Variants in LIMD1 observed in about 807,000 individuals in gnomAD.
The protein encoded by LIMD1 is LIM domain containing 1.
In LIMD1, 23 loss-of-function variants were observed where a neutral mutation model predicts 58.4. The ratio of observed to expected loss-of-function variants is 0.39; its 90% CI spans 0.28 to 0.56. LIMD1 has a LOEUF of 0.56. Among genes scored for constraint, LIMD1 ranks in the 20% least tolerant of loss-of-function variants. LIMD1 has a pLI of 0.57. For synonymous variants in LIMD1, 334 were observed against 345.5 expected, an observed-to-expected ratio of 0.97 and a Z score of 0.37; for missense variants, 838 against 855.5, an observed-to-expected ratio of 0.98 and a Z score of 0.25.
intron 2 of LIMD1, among the ~76,000 whole-genome samples, chr3:45,655,918 G>C (rs895553519): frequency 2.6e-5 from 4 of 152,190 alleles, no homozygotes; most frequent in Admixed American, 2.0e-4. Context: ...TTCCCTGGAA[G>C]GACTGAACGT....
At chr3:45,673,364 G>C in intron 5 of LIMD1, 90 bp from the exon 6 acceptor site, 1 of 997,410 alleles carries the variant, frequency 1.0e-6, no homozygotes, top group Non-Finnish European at 1.6e-6. Flanking sequence ...GCGGCATGGA[G>C]GAAGGCTCCA....
At chr3:45,674,274 C>A in intron 6 of LIMD1, 69 bp from the exon 7 acceptor site, 1 of 1,234,190 alleles carries the variant, frequency 8.1e-7, no homozygotes, top group African/African-American at 1.5e-5. Flanking sequence ...CCCCACCCCA[C>A]GGTACATCAA....
At chr3:45,655,558 A>G (rs1354534453) in intron 2 of LIMD1, among the ~76,000 whole-genome samples, 1 of 152,180 alleles carries the variant, frequency 6.6e-6, no homozygotes, top group Non-Finnish European at 1.5e-5. Flanking sequence ...GGTGGTTCTC[A>G]AAGTGTGGTC....
intron 7 of LIMD1, among the ~76,000 whole-genome samples, chr3:45,675,678 G>A (rs563473824): frequency 1.1e-3 from 161 of 151,986 alleles, no homozygotes; most frequent in African/African-American, 3.8e-3. Context: ...CAATTAAAAC[G>A]TTAAAAGAAA....
chr3:45,646,069 A>G (rs1369305673), intron 2 of LIMD1, among the ~76,000 whole-genome samples: 1 of 150,840 alleles, frequency 6.6e-6, no homozygotes, highest in African/African-American at 2.4e-5. Context: ...CAGAGGCTTT[A>G]TATGCAGTCC....
intron 1 of LIMD1, chr3:45,635,738 A>AAG (rs1701779883): frequency 8.8e-6 from 1 of 113,134 alleles, no homozygotes; most frequent in African/African-American, 3.4e-5. Context: ...GTCTCAAAAA[A>AAG]AAAAAAAAAA....
chr3:45,599,024 G>A (rs1188084469), intron 1 of LIMD1, among the ~76,000 whole-genome samples: 1 of 152,154 alleles, frequency 6.6e-6, no homozygotes, highest in Non-Finnish European at 1.5e-5. Context: ...GTCATATTGG[G>A]TACTGCTGGG....
At position 45,624,024 on chromosome 3, in the gene LIMD1, A is replaced by G. The variant is rs575876206; in HGVS notation, c.1409-12126A>G. Among the ~76,000 whole-genome samples the G allele has an allele frequency of 3.3e-5, 5 of 152,300 alleles. No homozygotes were observed. In the East Asian group the frequency reaches 9.6e-4, roughly 29 times the overall value. ...AGACTGTTGCTGTGATCATTGGTCTAGCTCTGTCCCAAGGACTTGGCTCCT... is the reference window on the plus strand; with the variant it reads ...AGACTGTTGCTGTGATCATTGGTCTGGCTCTGTCCCAAGGACTTGGCTCCT... On this transcript the variant is annotated intron_variant, in intron 1 of 7. Transcript: ENST00000273317.
intron 2 of LIMD1, among the ~76,000 whole-genome samples, chr3:45,639,207 C>CA (rs1559520313): frequency 6.6e-6 from 1 of 152,110 alleles, no homozygotes; most frequent in Non-Finnish European, 1.5e-5. Context: ...CTGCTTGTAT[C>CA]AGATCTTTGT....
At chr3:45,602,447 C>A (rs1701424798) in intron 1 of LIMD1, among the ~76,000 whole-genome samples, 1 of 152,194 alleles carries the variant, frequency 6.6e-6, no homozygotes, top group Non-Finnish European at 1.5e-5. Flanking sequence ...GATGGACAGG[C>A]CTGCTCCTCA....
At chr3:45,652,924 G>A (rs950227516) in intron 2 of LIMD1, among the ~76,000 whole-genome samples, 1 of 152,222 alleles carries the variant, frequency 6.6e-6, no homozygotes, top group Non-Finnish European at 1.5e-5. Flanking sequence ...AGACTTTGGA[G>A]TGGCACGTGA....
At chr3:45,671,220 C>T (rs1697582270) in intron 4 of LIMD1, among the ~76,000 whole-genome samples, 1 of 152,234 alleles carries the variant, frequency 6.6e-6, no homozygotes, top group South Asian at 2.1e-4. Flanking sequence ...GAAAGCTGAG[C>T]ATTCAGAGGA....
intron 2 of LIMD1, among the ~76,000 whole-genome samples, chr3:45,650,990 C>T (rs1174059774): frequency 6.6e-6 from 1 of 151,540 alleles, no homozygotes; most frequent in Non-Finnish European, 1.5e-5. Flanking sequence ...ACATCCTCTC[C>T]AGCGTCTGTT....
chr3:45,606,162 C>T (rs12330252), intron 1 of LIMD1, among the ~76,000 whole-genome samples: 11,556 of 152,256 alleles, frequency 0.076, 1,249 homozygotes, highest in African/African-American at 0.24. Flanking sequence ...CCCAACAACC[C>T]TACTTTATTA....
At chr3:45,653,471 A>G (rs1486159661) in intron 2 of LIMD1, among the ~76,000 whole-genome samples, 6 of 152,234 alleles carry the variant, frequency 3.9e-5, no homozygotes, top group African/African-American at 1.2e-4. Context: ...TTGGACCCCA[A>G]GCCTGAGTGC....
chr3:45,606,431 CAG>C (rs536659522), intron 1 of LIMD1, among the ~76,000 whole-genome samples: 6 of 152,182 alleles, frequency 3.9e-5, no homozygotes, highest in Admixed American at 6.5e-5. Context: ...GCAAAGAAGG[CAG>C]AGTGTGGAGG....
At chr3:45,637,608 T>G (rs989247397) in intron 2 of LIMD1, among the ~76,000 whole-genome samples, 3 of 152,212 alleles carry the variant, frequency 2.0e-5, no homozygotes, top group Non-Finnish European at 4.4e-5. Context: ...TTTCACAGCT[T>G]CTCAGATACT....
intron 2 of LIMD1, among the ~76,000 whole-genome samples, chr3:45,654,237 C>T (rs1702003452): frequency 6.6e-6 from 1 of 152,168 alleles, no homozygotes; most frequent in African/African-American, 2.4e-5. Context: ...CTCGGAAACT[C>T]TTCTCATTGT....
intron 2 of LIMD1, among the ~76,000 whole-genome samples, chr3:45,638,777 C>A (rs982642182): frequency 1.3e-5 from 2 of 152,140 alleles, no homozygotes; most frequent in African/African-American, 4.8e-5. Context: ...TGTGTATAAG[C>A]ATTGCCTTTT....
Sources: gnomAD v4.1 joint callset for allele counts (sites outside exome capture counted in the v4.1 genomes callset) on GRCh38, gnomAD v4.1.1 for gene constraint, MANE v1.5 for transcripts, NCBI Gene and HGNC (gene_info 2026-07-23, HGNC 2026-07-21) for gene names.